RAD23A: variants seen among roughly 807,000 people sequenced by gnomAD.
RAD23A encodes the protein RAD23 nucleotide excision repair protein A, also known as lysine-specific demethylase RAD23A.
Under a neutral mutation model 44.8 loss-of-function variants are expected in RAD23A, and 16 were observed. The observed-to-expected ratio is 0.36, with a 90% CI of 0.24 to 0.54. RAD23A has a LOEUF of 0.54. RAD23A is among the 20% of genes least tolerant of loss of function. The pLI is 0.89. For synonymous variants in RAD23A, 217 were observed against 202.9 expected, an observed-to-expected ratio of 1.07 and a Z score of -0.59; for missense variants, 380 against 483.3, an observed-to-expected ratio of 0.79 and a Z score of 2.00.
In RAD23A at chr19:12,948,645, T is replaced by G. The variant is rs765244526; in HGVS notation, c.473-41T>G. The G allele has an allele frequency of 6.9e-6, 11 of 1,596,734 alleles. No individual in the cohort carries two copies. The highest frequency in any genetic ancestry group is 8.5e-6 in the Non-Finnish European group (10 of 1,172,380). On this transcript the variant is annotated intron_variant, in intron 4 of 8. Transcript: ENST00000586534. The surrounding 1 kb of genome is among the most constrained non-coding windows in gnomAD (Gnocchi z 5.5). ...GCGGGAGGGCCTGGGAGCTGCCCTT[T>G]CCTCTTCCTGGTGACCTAGGCTTTG...
Position 12,953,232 on chromosome 19 carries a change from C to T in RAD23A, c.*183C>T, listed in dbSNP as rs901226030. ...TAAAGTGGCCCCTGTTCCCATCTCCCGGGCCAGACAGCTGTCCCCCCGTCC... is the reference window on the plus strand; with the variant it reads ...TAAAGTGGCCCCTGTTCCCATCTCCTGGGCCAGACAGCTGTCCCCCCGTCC... On this transcript the variant is annotated 3_prime_UTR_variant, in exon 9 of 9. Transcript: ENST00000586534. The T allele has an allele frequency of 2.9e-5, 13 of 451,470 alleles. No individual in the cohort carries two copies. Among genetic ancestry groups the T allele is most frequent in the South Asian group, 1.4e-4 (3 of 21,970 alleles). 28.0% of individuals were successfully genotyped at this position (451,470 alleles called of 1,614,324 possible). A position where few individuals can be genotyped will look rare whatever the true frequency, so the allele number is the denominator to read the frequency against.
intron 7 of RAD23A, among the ~76,000 whole-genome samples, chr19:12,950,823 T>C (rs1412639764): frequency 6.6e-6 from 1 of 152,110 alleles, no homozygotes; most frequent in Non-Finnish European, 1.5e-5. Context: ...CCCAGCACTT[T>C]GGGAGGCTAA....
chr19:12,952,633 G>A, intron 7 of RAD23A, 56 bp from the exon 8 acceptor site: 3 of 1,530,324 alleles, frequency 2.0e-6, no homozygotes, highest in Non-Finnish European at 1.8e-6. Context: ...GATGACCTGG[G>A]GAGAGGAGGG....
intron 7 of RAD23A, among the ~76,000 whole-genome samples, chr19:12,950,655 CCTCCCAAAGTGCTGCAATTACAGG>C (rs1971787385): frequency 6.6e-6 from 1 of 152,138 alleles, no homozygotes; most frequent in Admixed American, 6.5e-5. Flanking sequence ...CCCGCCTTGG[CCTCCCAAAGTGCTGCAATTACAGG>C]CATGAGCCAT....
intron 7 of RAD23A, among the ~76,000 whole-genome samples, chr19:12,950,564 A>G (rs1447100736): frequency 6.6e-6 from 1 of 151,884 alleles, no homozygotes; most frequent in Non-Finnish European, 1.5e-5. Flanking sequence ...ACCACGCCTG[A>G]CTAATTTTTT....
At chr19:12,946,155 C>A (rs1236582972) in intron 1 of RAD23A, 135 bp downstream of exon 1, 3 of 833,510 alleles carry the variant, frequency 3.6e-6, no homozygotes, top group South Asian at 1.8e-5. Flanking sequence ...CCGACCTGCC[C>A]GACTTTCCTG....
intron 7 of RAD23A, chr19:12,952,488 G>T: frequency 1.6e-6 from 1 of 606,660 alleles, no homozygotes. Context: ...CACCGTGCCC[G>T]GCTTATTTCT....
At chr19:12,950,255 T>C (rs1971773151) in intron 7 of RAD23A, among the ~76,000 whole-genome samples, 1 of 152,106 alleles carries the variant, frequency 6.6e-6, no homozygotes, top group Non-Finnish European at 1.5e-5. Context: ...GCCCTGGGGA[T>C]CTGCTGGGGT....
In RAD23A at chr19:12,953,129, TTCA is replaced by T. The variant is rs1971862063; in HGVS notation, c.*82_*84del. 1 of 872,780 alleles carries T rather than the reference TTCA, an allele frequency of 1.1e-6. No homozygotes were observed. Among genetic ancestry groups the T allele is most frequent in the Non-Finnish European group, 1.7e-6 (1 of 587,788 alleles). The allele number at this position is 872,780 out of a possible 1,614,324, so 54.1% of individuals were successfully genotyped here. On this transcript the variant is annotated 3_prime_UTR_variant, in exon 9 of 9. Transcript: ENST00000586534. ...TTATAAAAGAAAAAATATATATATA[TTCA>T]TGTTTATTTAAGAAATGGAAAAAAA...
At position 12,948,746 on chromosome 19, in the gene RAD23A, A is replaced by C. The variant is rs565619875; in HGVS notation, c.533A>C (p.Glu178Ala). ...TEIMSMGYERERVVAALRASY... is the reference protein window; with the variant it reads ...TEIMSMGYERARVVAALRASY... ...ATCATGTCCATGGGCTATGAGCGAG[A>C]GCGGGTCGTGGCCGCCCTGAGAGCC... The change falls in exon 5 of 9, where the codon GAG becomes GCG. Residue 178 changes from glutamate to alanine, a missense_variant. Physicochemically the swap from Glu to Ala is moderately radical, Grantham distance 107. Transcript: ENST00000586534. The surrounding 1 kb of genome is among the most constrained non-coding windows in gnomAD (Gnocchi z 5.5). The C allele has an allele frequency of 7.4e-6, 12 of 1,613,668 alleles. No homozygotes were observed. In the African/African-American group the frequency reaches 1.3e-4, roughly 18 times the overall value.
At chr19:12,950,032 C>T (rs1455357376) in intron 7 of RAD23A, among the ~76,000 whole-genome samples, 14 of 152,078 alleles carry the variant, frequency 9.2e-5, no homozygotes, top group Admixed American at 9.2e-4. Context: ...CTGCACTCAG[C>T]CCTCCCTCAT....
chr19:12,947,819 C>A (rs776329780), intron 1 of RAD23A, 29 bp from the exon 2 acceptor site: 3 of 1,608,620 alleles, frequency 1.9e-6, no homozygotes, highest in Admixed American at 1.7e-5. Flanking sequence ...CTTGGGGTCT[C>A]CAGTGACTGT....
rs778306837 is a variant in RAD23A, at chr19:12,949,145, C to T, written c.665C>T (p.Pro222Leu). The change falls in exon 6 of 9, where the codon CCG (proline) becomes CTG (leucine). Residue 222 changes from proline to leucine, a missense_variant. Physicochemically the swap from Pro to Leu is moderately conservative, Grantham distance 98. This residue lies in a region of RAD23A where 279 missense variants were observed against 313.7 expected (regional missense o/e 0.89). Coordinates refer to ENST00000586534, the MANE Select transcript of RAD23A (RefSeq NM_005053.4). ...CAGGAGAGCCAGGTATCGGAGCAGCCGGCCACGGAAGCAGGTGGGTGTGCA... is the reference window on the plus strand; with the variant it reads ...CAGGAGAGCCAGGTATCGGAGCAGCTGGCCACGGAAGCAGGTGGGTGTGCA... ...SVQESQVSEQPATEAAGENPL... is the reference protein window; with the variant it reads ...SVQESQVSEQLATEAAGENPL... The T allele has an allele frequency of 8.7e-6, 14 of 1,613,966 alleles. No homozygotes were observed. Among genetic ancestry groups the T allele is most frequent in the Admixed American group, 3.3e-5 (2 of 59,988 alleles).
Position 12,947,732 on chromosome 19 carries a change from A to T in RAD23A, c.73-116A>T, listed in dbSNP as rs576834249. ...CATGCTTTAGATGCTGAGAAAGCTT[A>T]AAAAACCCAGCGTGCTTGCCTTTCT... is the stretch of plus-strand genomic sequence containing the variant. On this transcript the variant is annotated intron_variant, in intron 1 of 8. Transcript: ENST00000586534. The T allele has an allele frequency of 2.8e-5, 28 of 998,482 alleles. No homozygotes were observed. In the South Asian group the frequency reaches 3.8e-4, roughly 14 times the overall value. 61.9% of individuals were successfully genotyped at this position (998,482 alleles called of 1,614,324 possible). A position where few individuals can be genotyped will look rare whatever the true frequency, so the allele number is the denominator to read the frequency against.
chr19:12,949,207 T>A, intron 6 of RAD23A, 48 bp downstream of exon 6: 1 of 1,614,046 alleles, frequency 6.2e-7, no homozygotes, highest in Admixed American at 1.7e-5. Context: ...TGACTCACAT[T>A]ACACTCCACC....
chr19:12,951,724 G>C (rs1435958828), intron 7 of RAD23A, among the ~76,000 whole-genome samples: 1 of 152,168 alleles, frequency 6.6e-6, no homozygotes, highest in Non-Finnish European at 1.5e-5. Flanking sequence ...GGGATTGCAG[G>C]CATGAGGCAC....
Position 12,948,534 on chromosome 19 carries a change from GA to G in RAD23A, c.455del (p.Asp152AlafsTer6). ...TTCAGGTAGCAGCGGGCGAGAGGAA[GA>G]CGCGGCCTCCACGCTAGGTGGGTGG... ...PSSGSSGREE[D>X]AASTLVTGSE... On this transcript the variant is annotated frameshift_variant, in exon 4 of 9. Transcript: ENST00000586534. LOFTEE classifies it high-confidence loss of function. The surrounding 1 kb of genome is among the most constrained non-coding windows in gnomAD (Gnocchi z 5.5). The G allele has an allele frequency of 6.3e-7, 1 of 1,595,904 alleles. No individual in the cohort carries two copies. The highest frequency in any genetic ancestry group is 8.5e-7 in the Non-Finnish European group (1 of 1,170,510).
chr19:12,951,613 A>G (rs45495792), intron 7 of RAD23A, among the ~76,000 whole-genome samples: 23,417 of 151,862 alleles, frequency 0.15, 2,080 homozygotes, highest in Admixed American at 0.22. Context: ...CGCCCTGCTA[A>G]TTTTATATTT....
rs757649887 is a variant in RAD23A, at chr19:12,952,826, G to A, written c.951G>A (p.Thr317=). 2.2e-5 allele frequency: 36 copies of A among 1,606,640 alleles called. No homozygotes were observed. Among genetic ancestry groups the A allele is most frequent in the Non-Finnish European group, 2.8e-5 (33 of 1,176,140 alleles). Residue 317 remains threonine (T), a synonymous_variant, in exon 8 of 9, where the codon ACG becomes ACA. Transcript: ENST00000586534. ...CGCAGATGAACTACATCCAGGTGAC[G>A]CCGCAGGAGAAAGAAGCTATAGAGA... The part of the protein sequence containing the change: ...EAPQMNYIQV[T]PQEKEAIERL...
Sources: gnomAD v4.1 joint callset for allele counts (sites outside exome capture counted in the v4.1 genomes callset) on GRCh38, gnomAD v4.1.1 for gene constraint, gnomAD v4.1.1 regional missense constraint, Gnocchi (gnomAD v3.1) non-coding constraint, MANE v1.5 for transcripts, NCBI Gene and HGNC (gene_info 2026-07-23, HGNC 2026-07-21) for gene names.